MAP2K5: variants seen among roughly 807,000 people sequenced by gnomAD.
MAP2K5 encodes the protein mitogen-activated protein kinase kinase 5, also known as dual specificity mitogen-activated protein kinase kinase 5.
MAP2K5 carries 49 observed loss-of-function variants against 83.1 expected under a neutral mutation model. That is an observed-to-expected ratio of 0.59 (90% CI 0.47 to 0.75). The LOEUF is 0.75. MAP2K5 is among the 30% of genes least tolerant of loss of function. The pLI, the probability that MAP2K5 is intolerant of heterozygous loss-of-function variation, is 0.00. For synonymous variants in MAP2K5, 202 were observed against 191.8 expected (o/e 1.05, Z -0.44); for missense variants, 457 against 557.5 (o/e 0.82, Z 1.82).
intron 19 of MAP2K5, among the ~76,000 whole-genome samples, chr15:67,751,583 A>G (rs956138122): frequency 9.9e-5 from 15 of 152,198 alleles, no homozygotes; most frequent in African/African-American, 3.6e-4. Flanking sequence ...TAGATAACTG[A>G]AATTTATGAC....
At chr15:67,799,652 C>A (rs1351016682) in intron 21 of MAP2K5, among the ~76,000 whole-genome samples, 1 of 152,234 alleles carries the variant, frequency 6.6e-6, no homozygotes, top group African/African-American at 2.4e-5. Flanking sequence ...TGAACAACTG[C>A]AGGCCTCCTG....
intron 17 of MAP2K5, among the ~76,000 whole-genome samples, chr15:67,742,868 G>A (rs2089525272): frequency 6.6e-6 from 1 of 152,186 alleles, no homozygotes; most frequent in African/African-American, 2.4e-5. Flanking sequence ...ATACACAAAG[G>A]ATAAAACAGT....
chr15:67,617,109 C>T (rs890177646), intron 8 of MAP2K5, among the ~76,000 whole-genome samples: 16 of 151,844 alleles, frequency 1.1e-4, no homozygotes, highest in African/African-American at 3.4e-4. Flanking sequence ...GGTCTTTTCT[C>T]CAAGAGGCAA....
Position 67,708,094 on chromosome 15 carries a change from T to C in MAP2K5, c.1044+4686T>C, listed in dbSNP as rs946973488. 6.6e-6 allele frequency among the ~76,000 whole-genome samples: 1 copy of C among 152,104 alleles called. No homozygotes were observed. The highest frequency in any genetic ancestry group is 1.5e-5 in the Non-Finnish European group (1 of 68,006). On this transcript the variant is annotated intron_variant, in intron 16 of 21. Coordinates refer to ENST00000178640, the MANE Select transcript of MAP2K5 (RefSeq NM_145160.3). This position sits in a 1 kb window ranked among gnomAD's most constrained non-coding sequence, Gnocchi z 4.9. The stretch of plus-strand genomic sequence containing the variant: ...ACTTTGAGAGGCTGAGGCAGGAGGA[T>C]TGCTTGAGGCCAGGAGTTCAACACT...
At chr15:67,800,618 G>A (rs766982786) in intron 21 of MAP2K5, among the ~76,000 whole-genome samples, 10 of 152,152 alleles carry the variant, frequency 6.6e-5, no homozygotes, top group Admixed American at 2.0e-4. Flanking sequence ...CATATGAATC[G>A]TTTATGGTAA....
intron 4 of MAP2K5, among the ~76,000 whole-genome samples, chr15:67,582,986 A>G (rs2140997189): frequency 6.6e-6 from 1 of 152,202 alleles, no homozygotes; most frequent in African/African-American, 2.4e-5. Context: ...TCATCGCATT[A>G]TGCTTCTTCC....
At chr15:67,791,276 A>C (rs2090513340) in intron 21 of MAP2K5, among the ~76,000 whole-genome samples, 1 of 152,310 alleles carries the variant, frequency 6.6e-6, no homozygotes, top group Admixed American at 6.5e-5. Context: ...TGAGGCAAAG[A>C]CTGAAGGATC....
intron 6 of MAP2K5, among the ~76,000 whole-genome samples, chr15:67,589,186 C>T (rs899873004): frequency 4.0e-5 from 6 of 151,786 alleles, no homozygotes; most frequent in Non-Finnish European, 5.9e-5. Flanking sequence ...CTTAGGTCAC[C>T]GTGAACATGC....
chr15:67,704,510 C>G (rs1797128473), intron 16 of MAP2K5, among the ~76,000 whole-genome samples: 2 of 152,120 alleles, frequency 1.3e-5, no homozygotes, highest in African/African-American at 4.8e-5. Flanking sequence ...TTTTGTAATG[C>G]ATGAATGCAA....
rs778025266 is a variant in MAP2K5, at chr15:67,543,520, T to A, written c.135+50T>A. 6.2e-7 allele frequency: 1 copy of A among 1,609,750 alleles called. No individual in the cohort carries two copies. ...ATGCCAGCAAGGGGGACTCAGGGACTTGAGTAGTCAGCACCTTGACCACTG... is the reference window on the plus strand; with the variant it reads ...ATGCCAGCAAGGGGGACTCAGGGACATGAGTAGTCAGCACCTTGACCACTG... On this transcript the variant is annotated intron_variant, in intron 1 of 21. Transcript: ENST00000178640. This position sits in a 1 kb window ranked among gnomAD's most constrained non-coding sequence, Gnocchi z 4.3.
chr15:67,756,514 ACT>A (rs1491154328), intron 19 of MAP2K5, among the ~76,000 whole-genome samples: 3,758 of 97,882 alleles, frequency 0.038, 65 homozygotes, highest in Non-Finnish European at 0.045. Context: ...ACACACAGTT[ACT>A]GTGTGTGTGT....
At chr15:67,767,325 T>C (rs2090058980) in intron 19 of MAP2K5, among the ~76,000 whole-genome samples, 1 of 152,220 alleles carries the variant, frequency 6.6e-6, no homozygotes, top group Non-Finnish European at 1.5e-5. Context: ...TAGCATCATG[T>C]TTTATACCAG....
chr15:67,569,461 G>T (rs2084908236), intron 3 of MAP2K5, among the ~76,000 whole-genome samples: 1 of 152,220 alleles, frequency 6.6e-6, no homozygotes, highest in Non-Finnish European at 1.5e-5. Flanking sequence ...GCTGCAAGCT[G>T]TAAGTAAGGT....
intron 21 of MAP2K5, 74 bp downstream of exon 21, chr15:67,772,826 G>T: frequency 7.6e-7 from 1 of 1,311,626 alleles, no homozygotes; most frequent in Non-Finnish European, 1.1e-6. Context: ...TAAAAGTCCA[G>T]AATGGAATTT....
chr15:67,642,350 G>C (rs12911125), intron 9 of MAP2K5: 1 of 1,291,848 alleles, frequency 7.7e-7, no homozygotes, highest in South Asian at 1.4e-5. Context: ...ATAGAAAAAT[G>C]TACAAGACTC....
intron 3 of MAP2K5, among the ~76,000 whole-genome samples, chr15:67,564,547 A>G (rs934585975): frequency 2.0e-5 from 3 of 152,238 alleles, no homozygotes; most frequent in Admixed American, 2.0e-4. Flanking sequence ...CAAGAAGGAT[A>G]GGATGATTAA....
intron 2 of MAP2K5, among the ~76,000 whole-genome samples, chr15:67,553,652 G>A (rs377751936): frequency 6.6e-6 from 1 of 152,062 alleles, no homozygotes; most frequent in African/African-American, 2.4e-5. Flanking sequence ...GGTGGCTCAC[G>A]CCTGTAATCC....
At position 67,702,424 on chromosome 15, in the gene MAP2K5, T is replaced by C. The variant is rs2141214330; in HGVS notation, c.973-913T>C. On this transcript the variant is annotated intron_variant, in intron 15 of 21. Coordinates refer to ENST00000178640, the MANE Select transcript of MAP2K5 (RefSeq NM_145160.3). The surrounding 1 kb of genome is among the most constrained non-coding windows in gnomAD (Gnocchi z 4.6). ...TGAATACATCCTGGTATCTATTGAA[T>C]TGGATATTGGGGTGTAAGTTATGAT... 6.6e-6 allele frequency among the ~76,000 whole-genome samples: 1 copy of C among 152,338 alleles called. No homozygotes were observed. Among genetic ancestry groups the C allele is most frequent in the East Asian group, 1.9e-4 (1 of 5,190 alleles).
chr15:67,660,506 C>T (rs2087210959), intron 12 of MAP2K5, among the ~76,000 whole-genome samples: 1 of 152,108 alleles, frequency 6.6e-6, no homozygotes, highest in South Asian at 2.1e-4. Context: ...TGAAAGTGTA[C>T]TGAAGATGGC....
Sources: allele counts gnomAD v4.1 joint callset (sites outside exome capture counted in the v4.1 genomes callset), GRCh38; gene constraint gnomAD v4.1.1; non-coding constraint Gnocchi (gnomAD v3.1); transcripts MANE v1.5; gene names NCBI Gene and HGNC (gene_info 2026-07-23, HGNC 2026-07-21).